Variants in FBXO11 observed in about 807,000 individuals in gnomAD.
The protein encoded by FBXO11 is F-box only protein 11.
Under a neutral mutation model 117.0 loss-of-function variants are expected in FBXO11, and 13 were observed. The observed-to-expected ratio is 0.11, with a 90% confidence interval of 0.07 to 0.18. The LOEUF (loss-of-function observed/expected upper bound fraction) is 0.18, where lower values mean the gene tolerates loss of function less well. FBXO11 is among the 10% of genes least tolerant of loss of function. The probability of loss-of-function intolerance (pLI) is 1.00; values close to 1 mark genes in which losing one functional copy is unlikely to be tolerated. For synonymous variants in FBXO11, 490 were observed against 380.5 expected, an observed-to-expected ratio of 1.29 and a Z score of -3.35; for missense variants, 767 against 1,164.4, an observed-to-expected ratio of 0.66 and a Z score of 4.97.
chr2:47,834,807 T>C lies in FBXO11; in HGVS notation c.782A>G (p.Lys261Arg). The C allele has an allele frequency of 6.2e-7, 1 of 1,613,382 alleles. No individual in the cohort carries two copies. Among genetic ancestry groups the C allele is most frequent in the Admixed American group, 1.7e-5 (1 of 59,886 alleles). The part of the protein sequence containing the change: ...EHFYSNPARY[K>R]GRENMLYYDT... Reference sequence around the variant, plus strand: ...ACATACCAACATATTTTCTCTTCCTTTATATCTTGCAGGGTTACTGTAGAA... The same window carrying C: ...ACATACCAACATATTTTCTCTTCCTCTATATCTTGCAGGGTTACTGTAGAA... Residue 261 changes from lysine to arginine, a missense_variant, in exon 6 of 23, where the codon AAA becomes AGA. Lys to Arg is a conservative substitution (Grantham distance 26). Coordinates refer to ENST00000403359, the MANE Select transcript of FBXO11 (RefSeq NM_001190274.2).
Position 47,807,778 on chromosome 2 carries a change from T to TG in FBXO11, c.*339dup. 3.9e-6 allele frequency: 1 copy of TG among 255,044 alleles called. No homozygotes were observed. Among genetic ancestry groups the TG allele is most frequent in the African/African-American group, 2.2e-5 (1 of 45,776 alleles). 15.8% of individuals were successfully genotyped at this position (255,044 alleles called of 1,614,324 possible). A position where few individuals can be genotyped will look rare whatever the true frequency, so the allele number is the denominator to read the frequency against. On this transcript the variant is annotated 3_prime_UTR_variant, in exon 23 of 23. Transcript: ENST00000403359. Reference sequence around the variant, plus strand: ...GGCAGCAACAAAGCTGCTTGTCTATTGAAGATTACTACTGCAAATTGGACT... The same window carrying TG: ...GGCAGCAACAAAGCTGCTTGTCTATTGGAAGATTACTACTGCAAATTGGACT...
intron 13 of FBXO11, among the ~76,000 whole-genome samples, chr2:47,821,470 C>A (rs531036347): frequency 2.0e-5 from 3 of 152,082 alleles, no homozygotes; most frequent in Non-Finnish European, 4.4e-5. Context: ...ATTAGCCGGG[C>A]GTGGTGGCGG....
chr2:47,831,040 C>A (rs188779867), intron 11 of FBXO11, among the ~76,000 whole-genome samples: 1 of 151,956 alleles, frequency 6.6e-6, no homozygotes, highest in Admixed American at 6.5e-5. Flanking sequence ...CCCAAGCGAT[C>A]CAACTGCCTT....
At chr2:47,826,340 A>C (rs1202413312) in intron 11 of FBXO11, among the ~76,000 whole-genome samples, 1 of 152,174 alleles carries the variant, frequency 6.6e-6, no homozygotes, top group Non-Finnish European at 1.5e-5. Context: ...TACAGGTGTG[A>C]GCCACCGCGC....
chr2:47,844,878 C>A (rs1460307922), intron 1 of FBXO11, among the ~76,000 whole-genome samples: 1 of 152,170 alleles, frequency 6.6e-6, no homozygotes, highest in Non-Finnish European at 1.5e-5. Context: ...CTCAAGTGAT[C>A]CGCCTAACTT....
Position 47,868,442 on chromosome 2 carries a change from A to AT in FBXO11, c.233-28674dup, listed in dbSNP as rs566922212. ...CATGAATGCTTGCTGGGCCCTTCCA[A>AT]TTGCAAATTCATGTACTTTATTTTT... On this transcript the variant is annotated intron_variant, in intron 1 of 22. Coordinates refer to ENST00000403359, the MANE Select transcript of FBXO11 (RefSeq NM_001190274.2). Among the ~76,000 whole-genome samples the AT allele has an allele frequency of 2.4e-3, 361 of 152,108 alleles. 2 individuals are homozygous for AT. Among genetic ancestry groups the AT allele is most frequent in the African/African-American group, 8.2e-3 (342 of 41,470 alleles).
intron 1 of FBXO11, among the ~76,000 whole-genome samples, chr2:47,895,032 A>C (rs1308020475): frequency 6.6e-6 from 1 of 152,200 alleles, no homozygotes; most frequent in African/African-American, 2.4e-5. Context: ...TGCCATATTC[A>C]CACACCTTAA....
At position 47,835,990 on chromosome 2, in the gene FBXO11, T is replaced by G; in HGVS notation, c.599A>C (p.Tyr200Ser). ...ANDPILWKRL[Y>S]MEVFEYTRPM... ...GCGAGTATATTCAAATACTTCCATATATAATCGTTTCCTGAACAGAGAAAG... is the reference window on the plus strand; with the variant it reads ...GCGAGTATATTCAAATACTTCCATAGATAATCGTTTCCTGAACAGAGAAAG... Residue 200 changes from tyrosine to serine, a missense_variant, in exon 5 of 23, where the codon TAT becomes TCT. Coordinates refer to ENST00000403359, the MANE Select transcript of FBXO11 (RefSeq NM_001190274.2). 1 of 1,599,632 alleles carries G rather than the reference T, an allele frequency of 6.3e-7. No individual in the cohort carries two copies. The highest frequency in any genetic ancestry group is 8.5e-7 in the Non-Finnish European group (1 of 1,173,228).
intron 1 of FBXO11, among the ~76,000 whole-genome samples, chr2:47,890,071 CT>C (rs1248273388): frequency 3.3e-5 from 5 of 152,210 alleles, no homozygotes; most frequent in African/African-American, 1.2e-4. Flanking sequence ...CTGCCTCAGT[CT>C]CCTGAGTAGC....
At chr2:47,851,058 T>C (rs908695182) in intron 1 of FBXO11, among the ~76,000 whole-genome samples, 1 of 152,258 alleles carries the variant, frequency 6.6e-6, no homozygotes, top group South Asian at 2.1e-4. Context: ...AATTGGACAA[T>C]GTAATTCAAA....
intron 1 of FBXO11, among the ~76,000 whole-genome samples, chr2:47,854,007 T>A (rs1349937735): frequency 6.6e-6 from 1 of 152,228 alleles, no homozygotes; most frequent in Non-Finnish European, 1.5e-5. Context: ...TAAAAATGAA[T>A]ACTGTTCCCT....
intron 1 of FBXO11, among the ~76,000 whole-genome samples, chr2:47,900,979 T>C (rs966277680): frequency 2.1e-5 from 3 of 144,436 alleles, no homozygotes; most frequent in East Asian, 4.1e-4. Flanking sequence ...GTACGTATAA[T>C]ATTACATAAA....
At chr2:47,809,356 A>G in intron 20 of FBXO11, 90 bp from the exon 21 acceptor site, 1 of 844,052 alleles carries the variant, frequency 1.2e-6, no homozygotes, top group Non-Finnish European at 1.8e-6. Flanking sequence ...CAGAAGAGCC[A>G]CTATTTTTAA....
chr2:47,833,737 T>C (rs74414802), intron 7 of FBXO11, among the ~76,000 whole-genome samples: 10,103 of 152,252 alleles, frequency 0.066, 378 homozygotes, highest in African/African-American at 0.089. Flanking sequence ...TTTAAAAACA[T>C]AGCAATAGAA....
intron 19 of FBXO11, 57 bp from the exon 20 acceptor site, chr2:47,809,764 C>A: frequency 9.0e-7 from 1 of 1,115,692 alleles, no homozygotes; most frequent in South Asian, 1.3e-5. Context: ...TCTTAAAAAC[C>A]TGAAATTAGC....
chr2:47,813,440 T>TTG, intron 17 of FBXO11, 63 bp from the exon 18 acceptor site: 2 of 1,053,148 alleles, frequency 1.9e-6, no homozygotes, highest in Non-Finnish European at 2.5e-6. Flanking sequence ...TTTTTTTTTT[T>TTG]TTTTTTTTGA....
chr2:47,827,378 C>A (rs1671836131), intron 11 of FBXO11, among the ~76,000 whole-genome samples: 1 of 149,944 alleles, frequency 6.7e-6, no homozygotes, highest in South Asian at 2.1e-4. Context: ...GCACTTTCGG[C>A]TCACTGCAAC....
chr2:47,848,227 G>A (rs548865197), intron 1 of FBXO11, among the ~76,000 whole-genome samples: 32 of 152,066 alleles, frequency 2.1e-4, no homozygotes, highest in Non-Finnish European at 3.8e-4. Context: ...CCCCAACCCC[G>A]GGGCCAGTTA....
Position 47,905,931 on chromosome 2 carries a change from C to A in FBXO11, c.-211G>T. On this transcript the variant is annotated 5_prime_UTR_variant, in exon 1 of 23. Coordinates refer to ENST00000403359, the MANE Select transcript of FBXO11 (RefSeq NM_001190274.2). ...TAGACAGACGGAGACCGAGCGAGGC[C>A]GGCCGGGAGGGCCTGACGCACGGGG... 1 of 510,296 alleles carries A rather than the reference C, an allele frequency of 2.0e-6. No individual in the cohort carries two copies. Among genetic ancestry groups the A allele is most frequent in the South Asian group, 3.5e-5 (1 of 28,174 alleles). The allele number at this position is 510,296 out of a possible 1,614,324, so 31.6% of individuals were successfully genotyped here. A position where few individuals can be genotyped will look rare whatever the true frequency, so the allele number is the denominator to read the frequency against.
Sources: allele counts gnomAD v4.1 joint callset (sites outside exome capture counted in the v4.1 genomes callset), GRCh38; gene constraint gnomAD v4.1.1; transcripts MANE v1.5; gene names NCBI Gene and HGNC (gene_info 2026-07-23, HGNC 2026-07-21).